Variants in ANO1 observed in about 807,000 individuals in gnomAD.
ANO1 encodes anoctamin-1.
A neutral mutation model predicts 124.0 loss-of-function variants in ANO1; 59 were observed. The ratio of observed to expected loss-of-function variants is 0.48; its 90% CI spans 0.39 to 0.59. ANO1 has a LOEUF of 0.59. Ranked by LOEUF, ANO1 falls within the 20% of genes least tolerant of loss-of-function variation. The pLI, the probability that ANO1 is intolerant of heterozygous loss-of-function variation, is 0.00. For synonymous variants in ANO1, 529 were observed against 532.0 expected, an observed-to-expected ratio of 0.99 and a Z score of 0.08; for missense variants, 1,059 against 1,328.0, an observed-to-expected ratio of 0.80 and a Z score of 3.15.
chr11:70,112,301 G>A (rs1590763510), intron 7 of ANO1, among the ~76,000 whole-genome samples: 1 of 152,362 alleles, frequency 6.6e-6, no homozygotes, highest in South Asian at 2.1e-4. Context: ...CACTGGGAAT[G>A]GGCCTCCGGG....
intron 16 of ANO1, among the ~76,000 whole-genome samples, 162 bp downstream of exon 16, chr11:70,157,183 A>G (rs1282381383): frequency 6.6e-6 from 1 of 152,012 alleles, no homozygotes; most frequent in African/African-American, 2.4e-5. Context: ...CCTGGCCAAT[A>G]TGGTGAAACC....
intron 24 of ANO1, among the ~76,000 whole-genome samples, chr11:70,183,489 G>T (rs1394544243): frequency 6.6e-6 from 1 of 152,200 alleles, no homozygotes; most frequent in Non-Finnish European, 1.5e-5. Flanking sequence ...TGGGTCATGT[G>T]CCAGGGTGTG....
chr11:70,032,718 C>T (rs968504100), intron 1 of ANO1, among the ~76,000 whole-genome samples: 15 of 152,238 alleles, frequency 9.9e-5, no homozygotes, highest in South Asian at 2.1e-4. Flanking sequence ...CTGATTTAAC[C>T]TCATCTGTTC....
intron 1 of ANO1, among the ~76,000 whole-genome samples, chr11:70,020,623 C>T (rs1236482431): frequency 6.6e-6 from 1 of 152,210 alleles, no homozygotes; most frequent in African/African-American, 2.4e-5. Flanking sequence ...ACACTCCACA[C>T]CCCTCTTCGC....
chr11:69,982,022 C>A (rs1855963885), upstream of ANO1, among the ~76,000 whole-genome samples: 1 of 152,034 alleles, frequency 6.6e-6, no homozygotes, highest in Admixed American at 6.6e-5. Context: ...TTGCCAGGGA[C>A]TGGGGGAGGG....
chr11:70,116,815 C>T (rs1358586358), intron 8 of ANO1, among the ~76,000 whole-genome samples: 1 of 152,194 alleles, frequency 6.6e-6, no homozygotes, highest in Non-Finnish European at 1.5e-5. Flanking sequence ...CTTCTCGGGA[C>T]AATCTGAACT....
At chr11:70,007,168 G>A (rs573481402) in intron 1 of ANO1, among the ~76,000 whole-genome samples, 2 of 152,038 alleles carry the variant, frequency 1.3e-5, no homozygotes, top group South Asian at 4.2e-4. Context: ...CCCCATATGA[G>A]TGGAATCCAA....
intron 1 of ANO1, among the ~76,000 whole-genome samples, chr11:70,007,094 C>T (rs1856506429): frequency 6.6e-6 from 1 of 152,130 alleles, no homozygotes; most frequent in Non-Finnish European, 1.5e-5. Flanking sequence ...CAACTTCCCC[C>T]TCCCTGAGCC....
chr11:69,995,177 G>C (rs943238921), intron 1 of ANO1, among the ~76,000 whole-genome samples: 1 of 148,034 alleles, frequency 6.8e-6, no homozygotes, highest in African/African-American at 2.6e-5. Flanking sequence ...TTGGCCCACT[G>C]CAACCTCCAC....
At chr11:70,178,652 C>T (rs1264364469) in intron 22 of ANO1, among the ~76,000 whole-genome samples, 1 of 151,952 alleles carries the variant, frequency 6.6e-6, no homozygotes, top group Non-Finnish European at 1.5e-5. Context: ...TAACCTCCGC[C>T]TCCCTGGCTC....
At chr11:70,064,164 G>A (rs1857661660) in intron 1 of ANO1, 1 of 152,226 alleles carries the variant, frequency 6.6e-6, no homozygotes, top group South Asian at 2.1e-4. Context: ...TGGCCTGCAG[G>A]AGTAGGTCTG....
intron 6 of ANO1, among the ~76,000 whole-genome samples, chr11:70,109,980 G>A (rs2045705734): frequency 6.6e-6 from 1 of 152,068 alleles, no homozygotes; most frequent in Non-Finnish European, 1.5e-5. Context: ...GAGGATTCCC[G>A]TCACCTGCCA....
chr11:70,159,426 A>G (rs938450727), intron 16 of ANO1, among the ~76,000 whole-genome samples: 3 of 152,184 alleles, frequency 2.0e-5, no homozygotes, highest in Non-Finnish European at 2.9e-5. Flanking sequence ...AAGACAGAGG[A>G]TATTGGATAG....
At chr11:70,091,165 CA>C (rs2044611429) in intron 2 of ANO1, among the ~76,000 whole-genome samples, 1 of 152,228 alleles carries the variant, frequency 6.6e-6, no homozygotes. Context: ...GTGTTCATTT[CA>C]GGGGGAAGAA....
chr11:69,987,219 G>A (rs1414541227), intron 1 of ANO1, among the ~76,000 whole-genome samples: 5 of 152,182 alleles, frequency 3.3e-5, no homozygotes, highest in African/African-American at 1.2e-4. Context: ...TGGGCCACCA[G>A]GGCCTACTCT....
intron 1 of ANO1, among the ~76,000 whole-genome samples, chr11:70,005,825 C>T (rs567736603): frequency 5.9e-5 from 9 of 152,264 alleles, no homozygotes; most frequent in East Asian, 3.9e-4. Flanking sequence ...TAAGAGCAGA[C>T]GTCTGTCCTG....
intron 25 of ANO1, among the ~76,000 whole-genome samples, chr11:70,186,871 T>G (rs940714304): frequency 1.6e-4 from 24 of 152,092 alleles, no homozygotes; most frequent in Non-Finnish European, 3.2e-4. Context: ...CAGCAAGCAG[T>G]GCAAAAGGTG....
chr11:69,993,544 G>A (rs1313925035), intron 1 of ANO1, among the ~76,000 whole-genome samples: 2 of 152,174 alleles, frequency 1.3e-5, no homozygotes, highest in South Asian at 2.1e-4. Flanking sequence ...GCCAAAGGTA[G>A]CGTTTGCTTC....
chr11:70,137,100 C>A (rs1331099899), intron 11 of ANO1, among the ~76,000 whole-genome samples: 1 of 147,510 alleles, frequency 6.8e-6, no homozygotes, highest in Non-Finnish European at 1.5e-5. Context: ...AGGCCTACAA[C>A]CCAGCTCTGG....
Sources: allele counts gnomAD v4.1 joint callset (sites outside exome capture counted in the v4.1 genomes callset), GRCh38; gene constraint gnomAD v4.1.1; transcripts MANE v1.5; gene names NCBI Gene and HGNC (gene_info 2026-07-23, HGNC 2026-07-21).